The following FAR2 variants were observed in gnomAD, a reference collection of about 807,000 sequenced individuals.
The protein encoded by FAR2 is fatty acyl-CoA reductase 2.
In FAR2, 19 loss-of-function variants were observed where a neutral mutation model predicts 56.0. The observed-to-expected ratio is 0.34, with a 90% confidence interval of 0.24 to 0.50. FAR2 has a LOEUF of 0.50. FAR2 is among the 20% of genes least tolerant of loss of function. FAR2 has a pLI of 0.98. For missense variants in FAR2, 508 were observed against 642.2 expected (o/e 0.79, Z 2.26); for synonymous variants, 219 against 218.8 (o/e 1.00, Z -0.01).
At chr12:29,192,824 G>C (rs1327475718) in intron 1 of FAR2, among the ~76,000 whole-genome samples, 2 of 152,130 alleles carry the variant, frequency 1.3e-5, no homozygotes, top group African/African-American at 4.8e-5. Context: ...TGAAGCACAG[G>C]AGTCTGGTTG....
intron 1 of FAR2, among the ~76,000 whole-genome samples, chr12:29,229,802 T>C (rs545937967): frequency 1.3e-5 from 2 of 152,136 alleles, no homozygotes; most frequent in East Asian, 3.9e-4. Flanking sequence ...TGGAAAGGGC[T>C]TAAATGACAG....
chr12:29,312,016 T>G, intron 8 of FAR2, 66 bp downstream of exon 8: 1 of 1,205,780 alleles, frequency 8.3e-7, no homozygotes, highest in Non-Finnish European at 1.2e-6. Context: ...GTTGACAAAG[T>G]GTGTCATGGA....
rs985029809 is a variant in FAR2 at position 29,265,772 on chromosome 12, A to G, written c.-38-4640A>G. ...ATATTTGTAAACTATCCATCTGACA[A>G]GGGATTAAGAACCAGAATATATAAG... On this transcript the variant is annotated intron_variant, in intron 1 of 11. Transcript: ENST00000536681. 3.9e-5 allele frequency among the ~76,000 whole-genome samples: 6 copies of G among 152,346 alleles called. No individual in the cohort carries two copies. In the South Asian group the frequency reaches 1.0e-3, roughly 26 times the overall value.
At chr12:29,269,241 C>G (rs1044201408) in intron 1 of FAR2, among the ~76,000 whole-genome samples, 2 of 152,070 alleles carry the variant, frequency 1.3e-5, no homozygotes, top group Admixed American at 6.5e-5. Context: ...CCTCCAGGCG[C>G]GTATTCTCCT....
At chr12:29,194,192 T>C (rs1950126063) in intron 1 of FAR2, among the ~76,000 whole-genome samples, 1 of 152,100 alleles carries the variant, frequency 6.6e-6, no homozygotes, top group Admixed American at 6.6e-5. Context: ...TTATAGTTAA[T>C]AGAAACAAAA....
At chr12:29,322,278 G>T (rs1366824341) in intron 10 of FAR2, among the ~76,000 whole-genome samples, 1 of 152,144 alleles carries the variant, frequency 6.6e-6, no homozygotes, top group African/African-American at 2.4e-5. Flanking sequence ...CACAGCATAT[G>T]ACTTCAATGA....
At chr12:29,160,091 C>T (rs1041238827) in intron 1 of FAR2, among the ~76,000 whole-genome samples, 6 of 152,178 alleles carry the variant, frequency 3.9e-5, no homozygotes, top group Non-Finnish European at 8.8e-5. Context: ...TCAACAGATT[C>T]TCACAGAATT....
intron 1 of FAR2, among the ~76,000 whole-genome samples, chr12:29,261,593 A>G (rs1404426992): frequency 6.6e-6 from 1 of 152,216 alleles, no homozygotes; most frequent in African/African-American, 2.4e-5. Context: ...AAGTAGCTTT[A>G]GCCCAAAGAA....
chr12:29,297,762 G>C (rs1409576748), intron 4 of FAR2, among the ~76,000 whole-genome samples: 3 of 152,140 alleles, frequency 2.0e-5, no homozygotes, highest in Non-Finnish European at 2.9e-5. Flanking sequence ...AAAAGAACTA[G>C]AGGCTGGGGG....
chr12:29,263,545 A>G (rs1336003615), intron 1 of FAR2, among the ~76,000 whole-genome samples: 1 of 152,066 alleles, frequency 6.6e-6, no homozygotes, highest in Non-Finnish European at 1.5e-5. Flanking sequence ...ATGCTCCTGA[A>G]TGACCAGTGG....
rs1565531301 is a variant in FAR2, at chr12:29,335,152, T to G, written c.*1358T>G. On this transcript the variant is annotated 3_prime_UTR_variant, in exon 12 of 12. Coordinates refer to ENST00000536681, the MANE Select transcript of FAR2 (RefSeq NM_001271783.2). ...ATGTTAATAAAGAATGGCAGTTATA[T>G]TTATGCTCACTTCCTGGAGTAATTG... 6.6e-6 allele frequency: 1 copy of G among 152,190 alleles called. No homozygotes were observed. Among genetic ancestry groups the G allele is most frequent in the Non-Finnish European group, 1.5e-5 (1 of 68,020 alleles). The allele number at this position is 152,190 out of a possible 1,614,324, so 9.4% of individuals were successfully genotyped here.
At chr12:29,249,574 A>G (rs1948176871) in intron 1 of FAR2, among the ~76,000 whole-genome samples, 1 of 152,150 alleles carries the variant, frequency 6.6e-6, no homozygotes, top group Non-Finnish European at 1.5e-5. Context: ...GTGATCTTTG[A>G]TGTTCATAGT....
chr12:29,325,664 G>A (rs543082772), intron 10 of FAR2, among the ~76,000 whole-genome samples: 25 of 152,240 alleles, frequency 1.6e-4, no homozygotes, highest in African/African-American at 4.3e-4. Context: ...GGTACATAAC[G>A]AAATGAAGGC....
rs1367775720 is a variant in FAR2, at chr12:29,332,728, G to A, written c.1385+1G>A. 1 of 1,611,966 alleles carries A rather than the reference G, an allele frequency of 6.2e-7. No individual in the cohort carries two copies. The highest frequency in any genetic ancestry group is 2.2e-5 in the East Asian group (1 of 44,800). On this transcript the variant is annotated splice_donor_variant, in intron 11 of 11. Coordinates refer to ENST00000536681, the MANE Select transcript of FAR2 (RefSeq NM_001271783.2). LOFTEE classifies it high-confidence loss of function. ...CAAAAGCAAAGCAACGCTTAAAAAG[G>A]TAAGTATAATCAGTCAGTTAATATT... is the stretch of plus-strand genomic sequence containing the variant.
intron 1 of FAR2, among the ~76,000 whole-genome samples, chr12:29,264,616 A>AAAATAAATAAATAAATAAAT (rs148784734): frequency 2.3e-5 from 3 of 130,090 alleles, no homozygotes; most frequent in South Asian, 2.6e-4. Context: ...ATCCTGTCTC[A>AAAATAAATAAATAAATAAAT]AAATAAATAA....
rs146236545 is a variant in FAR2, at chr12:29,227,721, A to G, written c.-38-42691A>G. 1.5e-3 allele frequency among the ~76,000 whole-genome samples: 235 copies of G among 152,318 alleles called. 2 individuals are homozygous for G. The highest frequency in any genetic ancestry group is 5.3e-3 in the African/African-American group (219 of 41,576). ...GAGATAAGAAAATGTCGGTAAAAGC[A>G]GCATTCTCTTGACTGCAGGAAAAAT... On this transcript the variant is annotated intron_variant, in intron 1 of 11. Coordinates refer to ENST00000536681, the MANE Select transcript of FAR2 (RefSeq NM_001271783.2).
chr12:29,160,235 T>C (rs1473189250), intron 1 of FAR2, among the ~76,000 whole-genome samples: 1 of 152,236 alleles, frequency 6.6e-6, no homozygotes. Flanking sequence ...TCACAGAGAC[T>C]GTACAGCTGT....
At chr12:29,196,139 A>G (rs1950141891) in intron 1 of FAR2, among the ~76,000 whole-genome samples, 1 of 152,172 alleles carries the variant, frequency 6.6e-6, no homozygotes, top group South Asian at 2.1e-4. Flanking sequence ...TGCTATTATG[A>G]ATAGTTTTGT....
intron 1 of FAR2, among the ~76,000 whole-genome samples, chr12:29,191,010 G>GC (rs1950098794): frequency 6.6e-6 from 1 of 152,122 alleles, no homozygotes; most frequent in African/African-American, 2.4e-5. Flanking sequence ...ACTCATTCCT[G>GC]CCCCTGTCCT....
Sources: allele counts gnomAD v4.1 joint callset (sites outside exome capture counted in the v4.1 genomes callset), GRCh38; gene constraint gnomAD v4.1.1; transcripts MANE v1.5; gene names NCBI Gene and HGNC (gene_info 2026-07-23, HGNC 2026-07-21).